The following SLC43A1 variants were observed in gnomAD, a reference collection of about 807,000 sequenced individuals.
The protein encoded by SLC43A1 is large neutral amino acids transporter small subunit 3.
SLC43A1 carries 31 observed loss-of-function variants against 59.5 expected under a neutral mutation model. The observed-to-expected ratio is 0.52, with a 90% CI of 0.39 to 0.70. SLC43A1 has a LOEUF of 0.70. Ranked by LOEUF, SLC43A1 falls within the 30% of genes least tolerant of loss-of-function variation. The probability of loss-of-function intolerance (pLI) is 0.00; values close to 1 mark genes in which losing one functional copy is unlikely to be tolerated. For missense variants in SLC43A1, 598 were observed against 717.8 expected (o/e 0.83, Z 1.91); for synonymous variants, 259 against 290.9 (o/e 0.89, Z 1.12).
chr11:57,489,458 G>A, intron 11 of SLC43A1, 66 bp from the exon 12 acceptor site: 1 of 1,581,928 alleles, frequency 6.3e-7, no homozygotes, highest in South Asian at 1.1e-5. Flanking sequence ...TTCTTGGCCT[G>A]GCCCCTCCCC....
chr11:57,506,606 G>C (rs1944400168), intron 2 of SLC43A1, among the ~76,000 whole-genome samples: 1 of 152,184 alleles, frequency 6.6e-6, no homozygotes, highest in Non-Finnish European at 1.5e-5. Context: ...TCCCCCAGGA[G>C]AGCCCTGGGC....
intron 10 of SLC43A1, 95 bp downstream of exon 10, chr11:57,491,496 A>AAC (rs1943900368): frequency 1.3e-6 from 2 of 1,587,108 alleles, no homozygotes; most frequent in African/African-American, 2.7e-5. Context: ...CAAAAGGGTT[A>AAC]CCTGGGTGGG....
At chr11:57,512,409 T>C (rs1428772938) in intron 2 of SLC43A1, among the ~76,000 whole-genome samples, 1 of 151,814 alleles carries the variant, frequency 6.6e-6, no homozygotes, top group East Asian at 1.9e-4. Context: ...CTGGCCAACA[T>C]GGTGAAAGCC....
At chr11:57,497,526 C>A (rs917281952) in intron 6 of SLC43A1, among the ~76,000 whole-genome samples, 6 of 152,230 alleles carry the variant, frequency 3.9e-5, no homozygotes, top group Admixed American at 6.5e-5. Context: ...TGAGATCTTT[C>A]TGGAAGTCAC....
At position 57,509,668 on chromosome 11, in the gene SLC43A1, GGGAA is replaced by G. The variant is rs1944483065; in HGVS notation, c.154+4286_154+4289del. ...AAGGAAGGAGGGAGGGAGGGAGGAA[GGGAA>G]GGAGGGAGGGAGGGAGAGAGGGAGG... On this transcript the variant is annotated intron_variant, in intron 2 of 14. Transcript: ENST00000278426. Among the ~76,000 whole-genome samples, 10 of 123,684 alleles carry G rather than the reference GGGAA, an allele frequency of 8.1e-5. No homozygotes were observed. In the South Asian group the frequency reaches 2.1e-3, roughly 26 times the overall value. The allele number at this position is 123,684 out of a possible 152,430, so 81.1% of individuals were successfully genotyped here.
At position 57,485,150 on chromosome 11, in the gene SLC43A1, G is replaced by A. The variant is rs758237291; in HGVS notation, c.1626C>T (p.Ala542=). ...YYRARLQQEY[A]ANGMGPLKVL... ...CCTTCAGTGGGCCCATCCCATTGGC[G>A]GCGTACTCCTGCTGGAGCCGGGCAC... is the stretch of plus-strand genomic sequence containing the variant. The change falls in exon 15 of 15, where the codon GCC becomes GCT. Residue 542 remains alanine, a synonymous_variant. Transcript: ENST00000278426. 15 of 1,613,980 alleles carry A rather than the reference G, an allele frequency of 9.3e-6. No homozygotes were observed. In the East Asian group the frequency reaches 1.3e-4, roughly 14 times the overall value.
chr11:57,508,267 C>CG (rs1944438413), intron 2 of SLC43A1, among the ~76,000 whole-genome samples: 1 of 138,640 alleles, frequency 7.2e-6, no homozygotes, highest in African/African-American at 2.8e-5. Flanking sequence ...ATTCCATCTC[C>CG]AAAAAAAAAA....
At chr11:57,499,250 G>A (rs1468208185) in intron 5 of SLC43A1, among the ~76,000 whole-genome samples, 1 of 151,718 alleles carries the variant, frequency 6.6e-6, no homozygotes, top group Admixed American at 6.6e-5. Context: ...CTTGAACCTA[G>A]GAGGCAGAGG....
rs778592296 is a variant in SLC43A1, at chr11:57,501,337, G to GGGGGAA, written c.155-14_155-9dup. ...TGTTGGTGCTGCTCTCAGCTGAGGA[G>GGGGGAA]GGGGAAGGGAGGGCTCAGCACATGA... is the stretch of plus-strand genomic sequence containing the variant. On this transcript the variant is annotated splice_polypyrimidine_tract_variant and intron_variant, in intron 2 of 14. Coordinates refer to ENST00000278426, the MANE Select transcript of SLC43A1 (RefSeq NM_003627.6). 4 of 1,606,714 alleles carry GGGGGAA rather than the reference G, an allele frequency of 2.5e-6. No individual in the cohort carries two copies. Among genetic ancestry groups the GGGGGAA allele is most frequent in the African/African-American group, 1.3e-5 (1 of 75,056 alleles).
chr11:57,491,532 C>A (rs957638317), intron 10 of SLC43A1, 59 bp downstream of exon 10: 20 of 1,608,878 alleles, frequency 1.2e-5, no homozygotes, highest in Admixed American at 3.3e-5. Flanking sequence ...GTCCCGCCCC[C>A]TGAGAAGCGG....
intron 2 of SLC43A1, among the ~76,000 whole-genome samples, chr11:57,508,150 C>T (rs1227679404): frequency 6.6e-6 from 1 of 152,014 alleles, no homozygotes; most frequent in Non-Finnish European, 1.5e-5. Context: ...ACCTGTAATC[C>T]CAGCTACTCA....
chr11:57,506,752 C>T (rs1319053736), intron 2 of SLC43A1, among the ~76,000 whole-genome samples: 1 of 152,188 alleles, frequency 6.6e-6, no homozygotes, highest in Admixed American at 6.5e-5. Context: ...CATCTCTGAG[C>T]TTCAGGTTTC....
At chr11:57,500,667 T>C in intron 5 of SLC43A1, 112 bp downstream of exon 5, 1 of 873,538 alleles carries the variant, frequency 1.1e-6, no homozygotes, top group Non-Finnish European at 1.9e-6. Flanking sequence ...GATCTAGTGA[T>C]CTGCGTCCAC....
chr11:57,510,933 G>A (rs957469414), intron 2 of SLC43A1, among the ~76,000 whole-genome samples: 1 of 152,034 alleles, frequency 6.6e-6, no homozygotes, highest in Non-Finnish European at 1.5e-5. Flanking sequence ...CCTGAGCTGA[G>A]ATAGCGCCAT....
chr11:57,510,457 C>CAAAAAAAA (rs61412196), intron 2 of SLC43A1, among the ~76,000 whole-genome samples: 4 of 25,758 alleles, frequency 1.6e-4, no homozygotes, highest in African/African-American at 6.3e-4. Context: ...GACTCCATCT[C>CAAAAAAAA]AAAAAAAAAA....
At chr11:57,511,520 C>T (rs985890669) in intron 2 of SLC43A1, among the ~76,000 whole-genome samples, 4 of 152,078 alleles carry the variant, frequency 2.6e-5, no homozygotes, top group African/African-American at 9.7e-5. Flanking sequence ...TAGCTCACTG[C>T]ACATTCAAAC....
chr11:57,507,694 C>T (rs188306042), intron 2 of SLC43A1, among the ~76,000 whole-genome samples: 14 of 152,154 alleles, frequency 9.2e-5, no homozygotes, highest in Non-Finnish European at 1.9e-4. Context: ...TTGTTGAGCT[C>T]TTCATATTTT....
At position 57,497,790 on chromosome 11, in the gene SLC43A1, G is replaced by A. The variant is rs757925989; in HGVS notation, c.521C>T (p.Ser174Phe). 3.1e-6 allele frequency: 5 copies of A among 1,613,894 alleles called. No homozygotes were observed. In the South Asian group the frequency reaches 5.5e-5, roughly 18 times the overall value. Residue 174 changes from serine to phenylalanine, a missense_variant, in exon 6 of 15, where the codon TCT (serine) becomes TTT (phenylalanine). Coordinates refer to ENST00000278426, the MANE Select transcript of SLC43A1 (RefSeq NM_003627.6). ...GAACGTAATGGCAGAAGAGGCGTAA[G>A]AGCCAATCATGAGGGCCATTAACGT... ...RSTLMALMIG[S>F]YASSAITFPG...
chr11:57,488,563 G>C (rs1313853093), intron 13 of SLC43A1, among the ~76,000 whole-genome samples: 1 of 152,186 alleles, frequency 6.6e-6, no homozygotes, highest in Admixed American at 6.5e-5. Flanking sequence ...GGAGAGAGAT[G>C]CAAGTGGGGA....
Sources: allele counts gnomAD v4.1 joint callset (sites outside exome capture counted in the v4.1 genomes callset), GRCh38; gene constraint gnomAD v4.1.1; transcripts MANE v1.5; gene names NCBI Gene and HGNC (gene_info 2026-07-23, HGNC 2026-07-21).